CEP63: variants seen among roughly 807,000 people sequenced by gnomAD.
CEP63 encodes centrosomal protein 63.
A neutral mutation model predicts 89.1 loss-of-function variants in CEP63; 84 were observed. The observed-to-expected ratio is 0.94, with a 90% CI of 0.79 to 1.13. The LOEUF (loss-of-function observed/expected upper bound fraction) is 1.13, where lower values mean the gene tolerates loss of function less well. Among genes scored for constraint, CEP63 ranks in the 50% most tolerant of loss-of-function variants. CEP63 has a pLI of 0.00. For missense variants in CEP63, 838 were observed against 813.3 expected (o/e 1.03, Z -0.37); for synonymous variants, 267 against 272.5 (o/e 0.98, Z 0.20).
chr3:134,504,475 A>G (rs75319902), intron 2 of CEP63, among the ~76,000 whole-genome samples: 2,475 of 152,306 alleles, frequency 0.016, 56 homozygotes, highest in African/African-American at 0.055. Context: ...TCTGATGGCA[A>G]TATCCTTATA....
chr3:134,650,802 G>A, the CEP63 span: 1 of 1,550,894 alleles, frequency 6.4e-7, no homozygotes, highest in African/African-American at 1.4e-5. Flanking sequence ...GGGACCCGGG[G>A]ACCCGGGTCG....
chr3:134,692,683 T>G, the CEP63 span, among the ~76,000 whole-genome samples: 3 of 152,306 alleles, frequency 2.0e-5, no homozygotes, highest in East Asian at 5.8e-4. Flanking sequence ...GAACAACAAC[T>G]TGAGAAGCAC....
chr3:134,665,316 G>C, the CEP63 span, among the ~76,000 whole-genome samples: 3 of 152,184 alleles, frequency 2.0e-5, no homozygotes, highest in Non-Finnish European at 2.9e-5. Flanking sequence ...TGCATGCAAG[G>C]CTCCTCCCAC....
In CEP63 at chr3:134,518,875, A is replaced by C. The variant is rs115486053; in HGVS notation, c.222+11589A>C. ...GATGAACAAAGCTATTCTCTTCGAA[A>C]AAAATTAATTAAATTGATAACCTTG... On this transcript the variant is annotated intron_variant, in intron 3 of 14. Transcript: ENST00000675561. Among the ~76,000 whole-genome samples, 526 of 152,270 alleles carry C rather than the reference A, an allele frequency of 3.5e-3. 7 individuals are homozygous for C. Among genetic ancestry groups the C allele is most frequent in the African/African-American group, 0.012 (507 of 41,558 alleles).
At position 134,549,047 on chromosome 3, in the gene CEP63, A is replaced by G. The variant is rs762203703; in HGVS notation, c.1068-15A>G. The G allele has an allele frequency of 3.2e-6, 5 of 1,563,996 alleles. No individual in the cohort carries two copies. The East Asian group carries it at 9.0e-5, about 28-fold the overall frequency. ...ATTTTGGTTTTAAGTATGGGATCTT[A>G]TTTTTGTCATACAGTTTGGAATCTG... On this transcript the variant is annotated splice_polypyrimidine_tract_variant and intron_variant, in intron 9 of 14. Coordinates refer to ENST00000675561, the MANE Select transcript of CEP63 (RefSeq NM_001353108.3).
In CEP63 at chr3:134,559,384, C is replaced by T. The variant is rs916453717; in HGVS notation, c.1908C>T (p.Asp636=). 6.2e-7 allele frequency: 1 copy of T among 1,613,930 alleles called. No individual in the cohort carries two copies. The highest frequency in any genetic ancestry group is 8.5e-7 in the Non-Finnish European group (1 of 1,179,788). ...ATACAAATGAAGCCAATTTTTCTGACACTATGTCTGAGAGTATGAATGACC... is the reference window on the plus strand; with the variant it reads ...ATACAAATGAAGCCAATTTTTCTGATACTATGTCTGAGAGTATGAATGACC... ...ALDTNEANFS[D]TMSESMNDQE... is the part of the protein sequence containing the mutation. Residue 636 remains aspartate, a synonymous_variant, in exon 14 of 15, where the codon GAC becomes GAT. Coordinates refer to ENST00000675561, the MANE Select transcript of CEP63 (RefSeq NM_001353108.3).
At chr3:134,501,292 A>G (rs1321949130) in intron 2 of CEP63, among the ~76,000 whole-genome samples, 2 of 152,062 alleles carry the variant, frequency 1.3e-5, no homozygotes, top group East Asian at 1.9e-4. Context: ...TTCTTCTTGC[A>G]TAGGGTTGCT....
At chr3:134,633,673 CT>C in the CEP63 span, among the ~76,000 whole-genome samples, 2 of 152,104 alleles carry the variant, frequency 1.3e-5, no homozygotes, top group African/African-American at 4.8e-5. Context: ...CATGGTTATG[CT>C]TTCTTCCTAA....
chr3:134,712,812 G>C, the CEP63 span, among the ~76,000 whole-genome samples: 1 of 152,076 alleles, frequency 6.6e-6, no homozygotes, highest in African/African-American at 2.4e-5. Flanking sequence ...GTTTTCTCTT[G>C]GGGCAGTTTT....
chr3:134,519,574 A>G (rs997309465), intron 3 of CEP63, among the ~76,000 whole-genome samples: 5 of 152,228 alleles, frequency 3.3e-5, no homozygotes, highest in Non-Finnish European at 7.3e-5. Flanking sequence ...AGAAGAAAAG[A>G]TAAGATTTTC....
chr3:134,685,920 A>C, the CEP63 span, among the ~76,000 whole-genome samples: 1 of 152,230 alleles, frequency 6.6e-6, no homozygotes, highest in East Asian at 1.9e-4. Flanking sequence ...CCACGTGTTT[A>C]GGGCCTACTC....
At chr3:134,650,277 C>T in the CEP63 span, among the ~76,000 whole-genome samples, 1 of 152,228 alleles carries the variant, frequency 6.6e-6, no homozygotes, top group Non-Finnish European at 1.5e-5. Flanking sequence ...TCCAAACCTG[C>T]GTTCCTTTTA....
chr3:134,612,753 G>C, the CEP63 span, among the ~76,000 whole-genome samples: 1 of 122,192 alleles, frequency 8.2e-6, no homozygotes, highest in South Asian at 2.5e-4. Context: ...CGCCGATGCT[G>C]TGTGTGTGTG....
intron 8 of CEP63, among the ~76,000 whole-genome samples, 154 bp from the exon 9 acceptor site, chr3:134,547,181 C>A (rs922902559): frequency 6.6e-6 from 1 of 152,042 alleles, no homozygotes; most frequent in Non-Finnish European, 1.5e-5. Flanking sequence ...TTGACTCTTT[C>A]TTTCCTCTCC....
the CEP63 span, among the ~76,000 whole-genome samples, chr3:134,698,727 C>T: frequency 2.0e-5 from 3 of 152,368 alleles, no homozygotes; most frequent in African/African-American, 7.2e-5. Flanking sequence ...TAGTCTGATA[C>T]TGCTCTCTCC....
chr3:134,644,446 T>A, the CEP63 span, among the ~76,000 whole-genome samples: 1 of 152,156 alleles, frequency 6.6e-6, no homozygotes, highest in Non-Finnish European at 1.5e-5. Context: ...GGCCTGCTGT[T>A]ACTGAAGCTG....
At chr3:134,508,844 C>T (rs1453591914) in intron 3 of CEP63, among the ~76,000 whole-genome samples, 1 of 152,048 alleles carries the variant, frequency 6.6e-6, no homozygotes, top group Admixed American at 6.6e-5. Flanking sequence ...TTTGCTACTT[C>T]ATTGATTGGG....
At chr3:134,740,628 C>T in the CEP63 span, among the ~76,000 whole-genome samples, 1 of 152,154 alleles carries the variant, frequency 6.6e-6, no homozygotes, top group Admixed American at 6.5e-5. Context: ...TACATCCGAC[C>T]TTGGATTCTT....
chr3:134,666,822 G>A, the CEP63 span, among the ~76,000 whole-genome samples: 1 of 152,192 alleles, frequency 6.6e-6, no homozygotes, highest in Non-Finnish European at 1.5e-5. Context: ...AAATAGATGA[G>A]GGATCCTCAT....
Sources: allele counts gnomAD v4.1 joint callset (sites outside exome capture counted in the v4.1 genomes callset), GRCh38; gene constraint gnomAD v4.1.1; transcripts MANE v1.5; gene names NCBI Gene and HGNC (gene_info 2026-07-23, HGNC 2026-07-21).